VWA8: variants seen among roughly 807,000 people sequenced by gnomAD.
VWA8 encodes the protein von Willebrand factor A domain containing 8, also known as von Willebrand factor A domain-containing protein 8.
In VWA8, 221 loss-of-function variants were observed where a neutral mutation model predicts 241.5. The ratio of observed to expected loss-of-function variants is 0.91; its 90% CI spans 0.82 to 1.02. VWA8 has a LOEUF of 1.02. VWA8 is among the 50% of genes least tolerant of loss of function. VWA8 has a pLI of 0.00. For missense variants in VWA8, 2,322 were observed against 2,328.7 expected, an observed-to-expected ratio of 1.00 and a Z score of 0.06; for synonymous variants, 852 against 827.1, an observed-to-expected ratio of 1.03 and a Z score of -0.52.
At chr13:41,686,345 T>C (rs985859232) in intron 34 of VWA8, among the ~76,000 whole-genome samples, 3 of 152,114 alleles carry the variant, frequency 2.0e-5, no homozygotes, top group Non-Finnish European at 4.4e-5. Flanking sequence ...GTATTGTCAG[T>C]GTTTTTTTTA....
chr13:41,719,708 C>G lies in VWA8; in HGVS notation c.2999G>C (p.Arg1000Pro). The G allele has an allele frequency of 6.2e-7, 1 of 1,612,362 alleles. No individual in the cohort carries two copies. Among genetic ancestry groups the G allele is most frequent in the Non-Finnish European group, 8.5e-7 (1 of 1,179,186 alleles). Residue 1000 changes from arginine (R) to proline (P), a missense_variant, in exon 26 of 45, where the codon CGA becomes CCA. Transcript: ENST00000379310. ...FPTEGLSSVV[R>P]NVFDFDSYNN... ...GTAGGAATCAAAGTCAAACACATTT[C>G]GAACTACACTGGAGAGACCTTCAGT...
At chr13:41,606,500 A>G (rs2044554558) in intron 39 of VWA8, among the ~76,000 whole-genome samples, 1 of 152,180 alleles carries the variant, frequency 6.6e-6, no homozygotes, top group Admixed American at 6.6e-5. Flanking sequence ...TAATAAGTGC[A>G]TATCTCAAAA....
At chr13:41,902,860 T>A (rs1875522616) in intron 4 of VWA8, among the ~76,000 whole-genome samples, 1 of 152,162 alleles carries the variant, frequency 6.6e-6, no homozygotes, top group Non-Finnish European at 1.5e-5. Context: ...TGTCAATTCG[T>A]AATAACCTGG....
Position 41,654,598 on chromosome 13 carries a change from G to A in VWA8, c.4611+16348C>T, listed in dbSNP as rs114534697. ...CCTGTGAGAATCTACTGCTGCTGGC[G>A]AGCTGCTGGTCTGACAGGAGACAGC... On this transcript the variant is annotated intron_variant, in intron 37 of 44. Coordinates refer to ENST00000379310, the MANE Select transcript of VWA8 (RefSeq NM_015058.2). Among the ~76,000 whole-genome samples the A allele has an allele frequency of 5.3e-3, 807 of 152,294 alleles. 5 individuals are homozygous for A. Among genetic ancestry groups the A allele is most frequent in the African/African-American group, 0.018 (767 of 41,560 alleles).
At chr13:41,638,466 G>C (rs1395856386) in intron 37 of VWA8, among the ~76,000 whole-genome samples, 1 of 152,162 alleles carries the variant, frequency 6.6e-6, no homozygotes, top group East Asian at 1.9e-4. Context: ...ATCAGTGAAG[G>C]AGACTGAGAA....
At chr13:41,634,756 G>A (rs551041947) in intron 37 of VWA8, among the ~76,000 whole-genome samples, 40 of 150,410 alleles carry the variant, frequency 2.7e-4, no homozygotes, top group African/African-American at 9.8e-4. Flanking sequence ...TTTTTCCTTT[G>A]GCTCTTATAT....
intron 21 of VWA8, among the ~76,000 whole-genome samples, chr13:41,746,305 T>C (rs1460293495): frequency 1.3e-5 from 2 of 152,228 alleles, no homozygotes; most frequent in Non-Finnish European, 2.9e-5. Flanking sequence ...TGCATCTCAG[T>C]GGTTCTCAAG....
chr13:41,937,877 G>A (rs1457163978), intron 2 of VWA8, among the ~76,000 whole-genome samples: 1 of 152,134 alleles, frequency 6.6e-6, no homozygotes, highest in Non-Finnish European at 1.5e-5. Context: ...GTAATAAAAT[G>A]CAGCCAGCCA....
At chr13:41,760,208 T>C (rs1389642245) in intron 21 of VWA8, among the ~76,000 whole-genome samples, 1 of 151,762 alleles carries the variant, frequency 6.6e-6, no homozygotes, top group Non-Finnish European at 1.5e-5. Flanking sequence ...AGTTTTATAG[T>C]TTTTATTGTG....
chr13:41,898,219 A>T (rs1875225538), intron 4 of VWA8, among the ~76,000 whole-genome samples: 1 of 151,904 alleles, frequency 6.6e-6, no homozygotes, highest in African/African-American at 2.4e-5. Context: ...CCACCAGAGC[A>T]GGTAGATACA....
intron 42 of VWA8, among the ~76,000 whole-genome samples, chr13:41,577,318 T>C (rs2044356423): frequency 6.6e-6 from 1 of 152,080 alleles, no homozygotes. Context: ...ATTAAAAAGG[T>C]TGACAGTAAA....
chr13:41,949,826 T>G (rs748428336), intron 2 of VWA8, 110 bp downstream of exon 2: 2 of 547,292 alleles, frequency 3.7e-6, no homozygotes, highest in South Asian at 4.0e-5. Context: ...TGAAGCTGGA[T>G]GATAAAATCA....
rs148904064 is a variant in VWA8, at chr13:41,682,895, G to A, written c.4327+2152C>T. 4.3e-3 allele frequency among the ~76,000 whole-genome samples: 648 copies of A among 152,224 alleles called. 4 individuals are homozygous for A. Among genetic ancestry groups the A allele is most frequent in the African/African-American group, 0.015 (617 of 41,540 alleles). On this transcript the variant is annotated intron_variant, in intron 35 of 44. Transcript: ENST00000379310. ...AACATCATTAGGTGCTAGGGAAAAC[G>A]CAAATTAAAATCATAATGAGAAATC...
chr13:41,749,141 A>G (rs1178902937), intron 21 of VWA8, among the ~76,000 whole-genome samples: 2 of 152,084 alleles, frequency 1.3e-5, no homozygotes, highest in Non-Finnish European at 2.9e-5. Flanking sequence ...GAATCTACAA[A>G]GAACTCAAAT....
At chr13:41,706,203 T>C (rs961527604) in intron 26 of VWA8, among the ~76,000 whole-genome samples, 1 of 152,232 alleles carries the variant, frequency 6.6e-6, no homozygotes, top group African/African-American at 2.4e-5. Context: ...GTTCATAAAA[T>C]CTGGTTTGAA....
intron 32 of VWA8, among the ~76,000 whole-genome samples, chr13:41,690,823 C>A (rs1319165540): frequency 1.3e-5 from 2 of 152,086 alleles, no homozygotes; most frequent in African/African-American, 2.4e-5. Context: ...AAAGTCGACA[C>A]CGCCTTTCAT....
At chr13:41,675,147 A>G in intron 36 of VWA8, 68 bp downstream of exon 36, 1 of 1,156,054 alleles carries the variant, frequency 8.7e-7, no homozygotes, top group Non-Finnish European at 1.3e-6. Flanking sequence ...ATTTATTCAG[A>G]GTACTTAGCA....
At chr13:41,720,552 T>G (rs2137847945) in intron 25 of VWA8, among the ~76,000 whole-genome samples, 1 of 152,312 alleles carries the variant, frequency 6.6e-6, no homozygotes, top group African/African-American at 2.4e-5. Context: ...CAACCATTAC[T>G]TAAAATCTAC....
intron 40 of VWA8, among the ~76,000 whole-genome samples, chr13:41,596,485 T>C (rs748137284): frequency 7.2e-5 from 11 of 152,116 alleles, no homozygotes; most frequent in Non-Finnish European, 1.5e-4. Context: ...TGCATTTAAA[T>C]ATATGCTTTT....
Sources: allele counts gnomAD v4.1 joint callset (sites outside exome capture counted in the v4.1 genomes callset), GRCh38; gene constraint gnomAD v4.1.1; transcripts MANE v1.5; gene names NCBI Gene and HGNC (gene_info 2026-07-23, HGNC 2026-07-21).